The following RARB variants were observed in gnomAD, a reference collection of about 807,000 sequenced individuals.
RARB encodes the protein retinoic acid receptor beta.
RARB carries 17 observed loss-of-function variants against 51.9 expected under a neutral mutation model. The observed-to-expected ratio is 0.33, with a 90% confidence interval of 0.22 to 0.49. The LOEUF (loss-of-function observed/expected upper bound fraction) is 0.49. RARB is among the 20% of genes least tolerant of loss of function. The pLI is 0.99. For synonymous variants in RARB, 215 were observed against 195.4 expected (o/e 1.10, Z -0.84); for missense variants, 369 against 550.8 (o/e 0.67, Z 3.30).
chr3:25,173,173 T>G (rs142944263), intron 4 of RARB, among the ~76,000 whole-genome samples: 51 of 152,356 alleles, frequency 3.3e-4, no homozygotes, highest in Middle Eastern at 3.4e-3. Flanking sequence ...AATTTAAGCT[T>G]CTTCTATTCC....
intron 2 of RARB, among the ~76,000 whole-genome samples, chr3:24,896,445 G>A (rs1197552889): frequency 6.6e-6 from 1 of 152,046 alleles, no homozygotes; most frequent in Non-Finnish European, 1.5e-5. Context: ...ATTTTTAGTA[G>A]AGACAGGGTT....
intron 3 of RARB, among the ~76,000 whole-genome samples, chr3:25,102,570 A>T (rs1292646525): frequency 6.6e-6 from 1 of 152,026 alleles, no homozygotes; most frequent in Non-Finnish European, 1.5e-5. Flanking sequence ...ATAAATATAT[A>T]AAATACACAT....
At chr3:25,581,118 G>A (rs764693571) in intron 5 of RARB, among the ~76,000 whole-genome samples, 5 of 152,152 alleles carry the variant, frequency 3.3e-5, no homozygotes, top group Non-Finnish European at 7.3e-5. Context: ...TAGCAAACAG[G>A]ACACATAAAC....
At chr3:24,929,320 G>C (rs1695393310) in intron 2 of RARB, among the ~76,000 whole-genome samples, 1 of 151,994 alleles carries the variant, frequency 6.6e-6, no homozygotes, top group Admixed American at 6.6e-5. Flanking sequence ...CTCTGCGTTT[G>C]CACATTACAC....
At chr3:25,370,994 G>A (rs556820200) in intron 5 of RARB, among the ~76,000 whole-genome samples, 4 of 152,160 alleles carry the variant, frequency 2.6e-5, no homozygotes, top group African/African-American at 7.2e-5. Context: ...CTTCATTCAC[G>A]TATCTCCTCT....
chr3:25,077,523 C>CT lies in RARB; in HGVS notation c.-328+17352dup, dbSNP rs1282740744. Among the ~76,000 whole-genome samples, 9 of 152,224 alleles carry CT rather than the reference C, an allele frequency of 5.9e-5. No homozygotes were observed. The South Asian group carries it at 1.7e-3, about 28-fold the overall frequency. ...CCATGTCGTTGTATGTTTTAATAGTCTTTTTACTGCTGAGAAGTAGTCAAT... is the reference window on the plus strand; with the variant it reads ...CCATGTCGTTGTATGTTTTAATAGTCTTTTTTACTGCTGAGAAGTAGTCAAT... On this transcript the variant is annotated intron_variant, in intron 3 of 11. Coordinates refer to the RARB transcript ENST00000383772.
intron 1 of RARB, among the ~76,000 whole-genome samples, chr3:24,835,351 G>A (rs907023987): frequency 1.3e-4 from 20 of 152,178 alleles, no homozygotes; most frequent in African/African-American, 4.6e-4. Context: ...TTACAAGCAG[G>A]TGGCAGAAAG....
At chr3:25,063,329 G>A (rs913063802) in intron 3 of RARB, among the ~76,000 whole-genome samples, 1 of 151,956 alleles carries the variant, frequency 6.6e-6, no homozygotes, top group South Asian at 2.1e-4. Context: ...TATGTCTTCT[G>A]TATCTCTTTG....
intron 5 of RARB, among the ~76,000 whole-genome samples, chr3:25,267,524 T>A (rs765780657): frequency 6.6e-6 from 1 of 152,218 alleles, no homozygotes; most frequent in Non-Finnish European, 1.5e-5. Flanking sequence ...CTTTGATCTG[T>A]CTTTATCACC....
chr3:24,857,707 G>A (rs1702660234), intron 1 of RARB, among the ~76,000 whole-genome samples: 1 of 152,122 alleles, frequency 6.6e-6, no homozygotes, highest in Non-Finnish European at 1.5e-5. Flanking sequence ...TTGAGCGTAG[G>A]AGTTCAAGAC....
chr3:25,586,570 C>A (rs780615214), intron 5 of RARB, among the ~76,000 whole-genome samples: 2 of 152,234 alleles, frequency 1.3e-5, no homozygotes, highest in Non-Finnish European at 2.9e-5. Context: ...ACACGGCTTC[C>A]TGAGTCCTGC....
Position 25,597,808 on chromosome 3 carries a change from ATGTACT to A in RARB, c.*1194_*1199del, listed in dbSNP as rs1701939494. 1 of 152,166 alleles carries A rather than the reference ATGTACT, an allele frequency of 6.6e-6. No homozygotes were observed. The highest frequency in any genetic ancestry group is 2.1e-4 in the South Asian group (1 of 4,820). 9.4% of individuals were successfully genotyped at this position (152,166 alleles called of 1,614,324 possible). A position where few individuals can be genotyped will look rare whatever the true frequency, so the allele number is the denominator to read the frequency against. On this transcript the variant is annotated 3_prime_UTR_variant, in exon 8 of 8. Coordinates refer to ENST00000330688, the MANE Select transcript of RARB (RefSeq NM_000965.5). ...TTTTTGATATATTAGCAAGTCTGTGATGTACTTTCACTGGCTCTGTTTGTACATTGA... is the reference window on the plus strand; with the variant it reads ...TTTTTGATATATTAGCAAGTCTGTGATTCACTGGCTCTGTTTGTACATTGA...
intron 1 of RARB, among the ~76,000 whole-genome samples, chr3:25,444,809 A>G (rs2125534192): frequency 6.6e-6 from 1 of 152,356 alleles, no homozygotes; most frequent in East Asian, 1.9e-4. Context: ...GGGCTCCGGT[A>G]GATGTGTGAG....
chr3:25,058,996 A>G (rs191266274), intron 2 of RARB, among the ~76,000 whole-genome samples: 1 of 151,780 alleles, frequency 6.6e-6, no homozygotes, highest in African/African-American at 2.4e-5. Context: ...AGAGATAACC[A>G]GTATTAATGC....
At chr3:25,232,053 TC>T (rs1305171489) in intron 5 of RARB, among the ~76,000 whole-genome samples, 1 of 152,192 alleles carries the variant, frequency 6.6e-6, no homozygotes, top group African/African-American at 2.4e-5. Flanking sequence ...TGTTTGAGAT[TC>T]TTTATTTGCA....
chr3:25,090,959 G>A (rs1699187496), intron 3 of RARB, among the ~76,000 whole-genome samples: 1 of 152,102 alleles, frequency 6.6e-6, no homozygotes, highest in African/African-American at 2.4e-5. Flanking sequence ...GAAGCCTATT[G>A]GCTGTGTTCC....
At chr3:25,457,498 A>G (rs1344080974) in intron 1 of RARB, among the ~76,000 whole-genome samples, 1 of 152,182 alleles carries the variant, frequency 6.6e-6, no homozygotes, top group Non-Finnish European at 1.5e-5. Flanking sequence ...CGTTCATGGC[A>G]ACTGTTCAGG....
At chr3:25,152,982 C>G (rs1454830435) in intron 4 of RARB, among the ~76,000 whole-genome samples, 1 of 152,080 alleles carries the variant, frequency 6.6e-6, no homozygotes, top group East Asian at 1.9e-4. Context: ...CCATGACAAA[C>G]AGTTTGAAGG....
chr3:24,958,474 A>G (rs955222234), intron 2 of RARB, among the ~76,000 whole-genome samples: 2 of 152,052 alleles, frequency 1.3e-5, no homozygotes, highest in East Asian at 3.9e-4. Flanking sequence ...AAACAGAGCC[A>G]TTAAAATTCT....
Sources: allele counts gnomAD v4.1 joint callset (sites outside exome capture counted in the v4.1 genomes callset), GRCh38; gene constraint gnomAD v4.1.1; transcripts MANE v1.5; gene names NCBI Gene and HGNC (gene_info 2026-07-23, HGNC 2026-07-21).